Variants in CSPP1 observed in about 807,000 individuals in gnomAD.
CSPP1 encodes centrosome and spindle pole-associated protein 1.
A neutral mutation model predicts 164.4 loss-of-function variants in CSPP1; 126 were observed. That is an observed-to-expected ratio of 0.77 (90% CI 0.66 to 0.89). The LOEUF is 0.89. Ranked by LOEUF, CSPP1 falls within the 40% of genes least tolerant of loss-of-function variation. CSPP1 has a pLI of 0.00. For missense variants in CSPP1, 1,395 were observed against 1,449.8 expected (o/e 0.96, Z 0.61); for synonymous variants, 472 against 476.7 (o/e 0.99, Z 0.13).
At chr8:67,126,802 C>T (rs1820166885) in intron 15 of CSPP1, among the ~76,000 whole-genome samples, 1 of 152,050 alleles carries the variant, frequency 6.6e-6, no homozygotes. Flanking sequence ...TTTGCTTGCC[C>T]TGGCTGGTAT....
chr8:67,173,719 T>A (rs1830940401), intron 25 of CSPP1: 1 of 152,290 alleles, frequency 6.6e-6, no homozygotes, highest in South Asian at 2.1e-4. Flanking sequence ...CACCTAGATT[T>A]ACACGTATTA....
rs1362751399 is a variant in CSPP1, at chr8:67,111,980, G to T, written c.1102G>T (p.Asp368Tyr). ...PFAGMLFGGEDRELIQRRKEK... is the reference protein window; with the variant it reads ...PFAGMLFGGEYRELIQRRKEK... ...CTCATACCACTATCTAGGAGGTGAA[G>T]ATCGAGAACTTATTCAGAGAAGGAA... Residue 368 changes from aspartate (D) to tyrosine (Y), a missense_variant, in exon 10 of 31, where the codon GAT (aspartate) becomes TAT (tyrosine). Asp to Tyr is a radical substitution (Grantham distance 160, BLOSUM62 -3). Coordinates refer to ENST00000678616, the MANE Select transcript of CSPP1 (RefSeq NM_001382391.1). 1 of 1,605,290 alleles carries T rather than the reference G, an allele frequency of 6.2e-7. No homozygotes were observed. The highest frequency in any genetic ancestry group is 1.1e-5 in the South Asian group (1 of 90,320).
At chr8:67,158,352 C>A in intron 19 of CSPP1, 95 bp from the exon 20 acceptor site, 1 of 1,304,624 alleles carries the variant, frequency 7.7e-7, no homozygotes. Flanking sequence ...AAAGAGGGTA[C>A]AAGTGTTGAG....
chr8:67,090,840 G>A (rs1187972334), intron 4 of CSPP1, among the ~76,000 whole-genome samples: 2 of 152,144 alleles, frequency 1.3e-5, no homozygotes, highest in South Asian at 4.1e-4. Context: ...ATGGAATTAG[G>A]CAGGTTGACA....
intron 16 of CSPP1, among the ~76,000 whole-genome samples, chr8:67,132,437 G>C (rs1489828102): frequency 6.6e-6 from 1 of 152,198 alleles, no homozygotes; most frequent in East Asian, 1.9e-4. Flanking sequence ...GGGGTTTTCA[G>C]TTTCATCTGG....
chr8:67,184,866 G>A (rs1293610032), intron 28 of CSPP1, among the ~76,000 whole-genome samples: 5 of 148,696 alleles, frequency 3.4e-5, no homozygotes, highest in South Asian at 2.1e-4. Flanking sequence ...TTGGGAGGCC[G>A]AGGAGGGCGG....
chr8:67,140,930 T>A (rs1227728020), intron 17 of CSPP1, among the ~76,000 whole-genome samples: 1 of 152,236 alleles, frequency 6.6e-6, no homozygotes, highest in Non-Finnish European at 1.5e-5. Context: ...CAGACCTAGT[T>A]ATAGGTTCTA....
chr8:67,190,061 G>A (rs573447379), intron 28 of CSPP1, among the ~76,000 whole-genome samples: 19 of 152,246 alleles, frequency 1.2e-4, no homozygotes, highest in African/African-American at 3.9e-4. Context: ...ATAATACCCA[G>A]CAATTTCATT....
intron 28 of CSPP1, among the ~76,000 whole-genome samples, chr8:67,187,334 C>G (rs1003789739): frequency 1.3e-5 from 2 of 152,156 alleles, no homozygotes; most frequent in African/African-American, 4.8e-5. Flanking sequence ...TTATAATAAA[C>G]AAGACAGTGT....
chr8:67,159,888 CTTTCT>C, intron 21 of CSPP1, among the ~76,000 whole-genome samples: 1 of 64,850 alleles, frequency 1.5e-5, no homozygotes, highest in Middle Eastern at 7.6e-3. Flanking sequence ...TTCTTTCTTT[CTTTCT>C]TTCTTTCTTT....
At chr8:67,073,850 TTG>T (rs1230649729) in intron 1 of CSPP1, among the ~76,000 whole-genome samples, 1 of 152,134 alleles carries the variant, frequency 6.6e-6, no homozygotes, top group Non-Finnish European at 1.5e-5. Context: ...TAAAGACTCT[TTG>T]TGTGTTCTTG....
chr8:67,074,206 G>A, intron 1 of CSPP1, 37 bp from the exon 2 acceptor site: 1 of 1,188,270 alleles, frequency 8.4e-7, no homozygotes, highest in Admixed American at 1.8e-5. Context: ...TAAAAATACT[G>A]TGATATAGAT....
chr8:67,169,574 G>A (rs1202050253), intron 24 of CSPP1, among the ~76,000 whole-genome samples: 1 of 152,008 alleles, frequency 6.6e-6, no homozygotes, highest in African/African-American at 2.4e-5. Context: ...TGAGTAGCTG[G>A]GATTACAAGT....
chr8:67,070,666 C>T (rs1215010814), intron 1 of CSPP1, among the ~76,000 whole-genome samples: 1 of 150,778 alleles, frequency 6.6e-6, no homozygotes, highest in Non-Finnish European at 1.5e-5. Flanking sequence ...AGAAATTGGC[C>T]AGAATTTATC....
intron 14 of CSPP1, 70 bp downstream of exon 14, chr8:67,118,439 A>G: frequency 1.3e-6 from 2 of 1,481,644 alleles, no homozygotes; most frequent in Non-Finnish European, 1.9e-6. Context: ...TTTTGTGTAA[A>G]CAAAAAATAT....
At chr8:67,152,475 T>C (rs1286032625) in intron 18 of CSPP1, among the ~76,000 whole-genome samples, 3 of 152,270 alleles carry the variant, frequency 2.0e-5, no homozygotes, top group South Asian at 2.1e-4. Flanking sequence ...TTTGGCTTAT[T>C]ATCATGCCAA....
At chr8:67,134,266 A>C (rs1311397196) in intron 16 of CSPP1, 1 of 152,240 alleles carries the variant, frequency 6.6e-6, no homozygotes, top group Non-Finnish European at 1.5e-5. Flanking sequence ...TTTCCTGAAC[A>C]GTAAGAATTC....
At chr8:67,163,857 G>C in intron 23 of CSPP1, 59 bp downstream of exon 23, 1 of 1,330,552 alleles carries the variant, frequency 7.5e-7, no homozygotes, top group Non-Finnish European at 1.1e-6. Flanking sequence ...TTTTCATTTT[G>C]AAATAATTAT....
At position 67,159,484 on chromosome 8, in the gene CSPP1, G is replaced by A. The variant is rs561846223; in HGVS notation, c.2538+347G>A. ...AAGACTAATACAGAAAGTGAGAGTG[G>A]TTTATATATATATATATATGTATTC... On this transcript the variant is annotated intron_variant, in intron 21 of 30. Coordinates refer to ENST00000678616, the MANE Select transcript of CSPP1 (RefSeq NM_001382391.1). Among the ~76,000 whole-genome samples the A allele has an allele frequency of 3.3e-4, 40 of 120,530 alleles. 1 individual carries two copies. The South Asian group carries it at 0.01, about 32-fold the overall frequency. 79.1% of individuals were successfully genotyped at this position (120,530 alleles called of 152,430 possible).
Sources: allele counts gnomAD v4.1 joint callset (sites outside exome capture counted in the v4.1 genomes callset), GRCh38; gene constraint gnomAD v4.1.1; transcripts MANE v1.5; gene names NCBI Gene and HGNC (gene_info 2026-07-23, HGNC 2026-07-21).